Variants in PTPRN2 observed in about 807,000 individuals in gnomAD.
PTPRN2 encodes the protein receptor-type tyrosine-protein phosphatase N2.
PTPRN2 carries 74 observed loss-of-function variants against 118.8 expected under a neutral mutation model. The observed-to-expected ratio is 0.62, with a 90% CI of 0.52 to 0.76. The LOEUF (loss-of-function observed/expected upper bound fraction) is 0.76, where lower values mean the gene tolerates loss of function less well. Among genes scored for constraint, PTPRN2 ranks in the 30% least tolerant of loss-of-function variants. The pLI, the probability that PTPRN2 is intolerant of heterozygous loss-of-function variation, is 0.00. For synonymous variants in PTPRN2, 641 were observed against 608.0 expected (o/e 1.05, Z -0.80); for missense variants, 1,481 against 1,394.4 (o/e 1.06, Z -0.99).
intron 1 of PTPRN2, among the ~76,000 whole-genome samples, chr7:158,586,637 C>T (rs545731638): frequency 1.4e-4 from 21 of 152,270 alleles, no homozygotes; most frequent in African/African-American, 4.8e-4. Context: ...AAAACAGGGG[C>T]GTCCGCCTGG....
chr7:158,236,146 C>G (rs147224023), intron 3 of PTPRN2, among the ~76,000 whole-genome samples: 222 of 152,316 alleles, frequency 1.5e-3, no homozygotes, highest in African/African-American at 5.1e-3. Flanking sequence ...ATCGTCCTTG[C>G]CATTGCTGGC....
intron 11 of PTPRN2, among the ~76,000 whole-genome samples, chr7:158,048,758 T>A: frequency 8.4e-6 from 1 of 118,836 alleles, no homozygotes; most frequent in African/African-American, 3.3e-5. Context: ...ACCAACACCA[T>A]CATCACCCTC....
At chr7:158,511,220 CGA>C (rs549652765) in intron 1 of PTPRN2, among the ~76,000 whole-genome samples, 181 of 152,206 alleles carry the variant, frequency 1.2e-3, no homozygotes, top group African/African-American at 4.2e-3. Flanking sequence ...CTCAAAATGT[CGA>C]GAGGCAGCTG....
In PTPRN2 at chr7:157,776,090, T is replaced by G. The variant is rs1803199867; in HGVS notation, c.1789-93153A>C. The stretch of plus-strand genomic sequence containing the variant: ...TCTTCCTCCCTCTTCTCTTCCTCCC[T>G]CCTCTCCACCTCCTCTCTCCTCTCC... On this transcript the variant is annotated intron_variant, in intron 12 of 22. Transcript: ENST00000389418. Among the ~76,000 whole-genome samples the G allele has an allele frequency of 2.2e-5, 3 of 138,316 alleles. No individual in the cohort carries two copies. In the South Asian group the frequency reaches 7.6e-4, roughly 35 times the overall value. The allele number at this position is 138,316 out of a possible 152,430, so 90.7% of individuals were successfully genotyped here.
rs990764114 is a variant in PTPRN2, at chr7:157,550,191, T to C, written c.2903-1172A>G. Among the ~76,000 whole-genome samples, 1 of 152,318 alleles carries C rather than the reference T, an allele frequency of 6.6e-6. No individual in the cohort carries two copies. Among genetic ancestry groups the C allele is most frequent in the Admixed American group, 6.5e-5 (1 of 15,308 alleles). ...AAATTCCCGAGGTTCCTCAATTTCC[T>C]TTCCCTGTGGTTCTGTGGCTTCATG... On this transcript the variant is annotated intron_variant, in intron 21 of 22. Coordinates refer to ENST00000389418, the MANE Select transcript of PTPRN2 (RefSeq NM_002847.5). The surrounding 1 kb of genome is among the most constrained non-coding windows in gnomAD (Gnocchi z 5.2).
Position 157,881,528 on chromosome 7 carries a change from T to C in PTPRN2, c.1788+17145A>G, listed in dbSNP as rs1372696001. Reference sequence around the variant, plus strand: ...TGAAGCCCCCCACTCTGCAGTATTCTGTTGTGGCAGCCAGAGAGGACGCAC... The same window carrying C: ...TGAAGCCCCCCACTCTGCAGTATTCCGTTGTGGCAGCCAGAGAGGACGCAC... On this transcript the variant is annotated intron_variant, in intron 12 of 22. Transcript: ENST00000389418. The surrounding 1 kb of genome is among the most constrained non-coding windows in gnomAD (Gnocchi z 4.7). Among the ~76,000 whole-genome samples, 2 of 152,124 alleles carry C rather than the reference T, an allele frequency of 1.3e-5. No homozygotes were observed. Among genetic ancestry groups the C allele is most frequent in the Non-Finnish European group, 2.9e-5 (2 of 68,020 alleles).
At chr7:157,716,221 C>T (rs750652857) in intron 12 of PTPRN2, among the ~76,000 whole-genome samples, 8 of 152,240 alleles carry the variant, frequency 5.3e-5, no homozygotes, top group South Asian at 2.1e-4. Flanking sequence ...CCTAAGAAGT[C>T]GCAGTTGTTG....
chr7:158,355,042 C>T (rs528196449), intron 2 of PTPRN2, among the ~76,000 whole-genome samples: 4 of 144,638 alleles, frequency 2.8e-5, no homozygotes, highest in Admixed American at 2.1e-4. Flanking sequence ...AAAAAAAAAT[C>T]TGTCACCCAA....
At chr7:158,346,327 C>T (rs1436986656) in intron 2 of PTPRN2, among the ~76,000 whole-genome samples, 1 of 152,218 alleles carries the variant, frequency 6.6e-6, no homozygotes, top group African/African-American at 2.4e-5. Flanking sequence ...CTCAGTTCTA[C>T]TCTCTGCTAC....
intron 2 of PTPRN2, among the ~76,000 whole-genome samples, chr7:158,365,040 G>A (rs538963021): frequency 2.0e-5 from 3 of 152,068 alleles, no homozygotes; most frequent in South Asian, 2.1e-4. Context: ...AGACACACAC[G>A]TTCTCACCCT....
At chr7:158,289,129 A>C (rs1292346928) in intron 3 of PTPRN2, among the ~76,000 whole-genome samples, 15 of 152,256 alleles carry the variant, frequency 9.9e-5, no homozygotes, top group African/African-American at 3.6e-4. Context: ...TGACAGTTTG[A>C]TTATAATATA....
At chr7:158,073,815 A>T (rs1183195909) in intron 11 of PTPRN2, among the ~76,000 whole-genome samples, 1 of 152,232 alleles carries the variant, frequency 6.6e-6, no homozygotes, top group Non-Finnish European at 1.5e-5. Context: ...GCAGCCTCGC[A>T]TCATGGAAGG....
At chr7:158,567,877 C>T (rs1277460681) in intron 1 of PTPRN2, among the ~76,000 whole-genome samples, 1 of 152,254 alleles carries the variant, frequency 6.6e-6, no homozygotes, top group African/African-American at 2.4e-5. Context: ...GCCATCCCAA[C>T]TCCAAGTCTG....
intron 3 of PTPRN2, among the ~76,000 whole-genome samples, chr7:158,217,779 T>A (rs1162053278): frequency 6.6e-6 from 1 of 152,114 alleles, no homozygotes; most frequent in East Asian, 1.9e-4. Flanking sequence ...AAATTCAATA[T>A]AAGAATTTCA....
At chr7:158,356,461 T>A (rs1808391495) in intron 2 of PTPRN2, among the ~76,000 whole-genome samples, 1 of 152,240 alleles carries the variant, frequency 6.6e-6, no homozygotes, top group South Asian at 2.1e-4. Context: ...TCATAGAGTA[T>A]CTTTTTGTTG....
At chr7:158,246,351 G>A (rs1190531402) in intron 3 of PTPRN2, among the ~76,000 whole-genome samples, 1 of 151,566 alleles carries the variant, frequency 6.6e-6, no homozygotes, top group African/African-American at 2.4e-5. Context: ...GGTGAGAGAT[G>A]GAGAGAGAAA....
chr7:158,068,761 A>G (rs954929982), intron 11 of PTPRN2, among the ~76,000 whole-genome samples: 8 of 152,172 alleles, frequency 5.3e-5, no homozygotes, highest in African/African-American at 1.9e-4. Flanking sequence ...GGGATTTTCA[A>G]TTTGTACCAT....
chr7:157,873,477 G>A (rs1006779640), intron 12 of PTPRN2, among the ~76,000 whole-genome samples: 5 of 152,122 alleles, frequency 3.3e-5, no homozygotes, highest in East Asian at 1.9e-4. Context: ...GGAGGAGAAC[G>A]TACCGTCCTC....
intron 2 of PTPRN2, among the ~76,000 whole-genome samples, chr7:158,441,289 T>C (rs1246836809): frequency 1.0e-5 from 1 of 98,990 alleles, no homozygotes; most frequent in African/African-American, 3.1e-5. Context: ...ATGGTGGTGG[T>C]GGTGATGGTG....
Sources: allele counts gnomAD v4.1 joint callset (sites outside exome capture counted in the v4.1 genomes callset), GRCh38; gene constraint gnomAD v4.1.1; non-coding constraint Gnocchi (gnomAD v3.1); transcripts MANE v1.5; gene names NCBI Gene and HGNC (gene_info 2026-07-23, HGNC 2026-07-21).